The following DGKI variants were observed in gnomAD, a reference collection of about 807,000 sequenced individuals.
The protein encoded by DGKI is diacylglycerol kinase iota.
DGKI carries 55 observed loss-of-function variants against 147.5 expected under a neutral mutation model. That is an observed-to-expected ratio of 0.37 (90% CI 0.30 to 0.47). The LOEUF (loss-of-function observed/expected upper bound fraction) is 0.47, where lower values mean the gene tolerates loss of function less well. Among genes scored for constraint, DGKI ranks in the 20% least tolerant of loss-of-function variants. The pLI, the probability that DGKI is intolerant of heterozygous loss-of-function variation, is 1.00. For missense variants in DGKI, 1,007 were observed against 1,323.8 expected, an observed-to-expected ratio of 0.76 and a Z score of 3.71; for synonymous variants, 469 against 477.1, an observed-to-expected ratio of 0.98 and a Z score of 0.22.
chr7:137,649,694 C>T (rs1585327738), intron 5 of DGKI, among the ~76,000 whole-genome samples: 1 of 151,286 alleles, frequency 6.6e-6, no homozygotes, highest in African/African-American at 2.4e-5. Flanking sequence ...CACAAATCAC[C>T]ACTAAAGAAT....
At chr7:137,792,121 C>T (rs571660777) in intron 1 of DGKI, among the ~76,000 whole-genome samples, 181 of 152,226 alleles carry the variant, frequency 1.2e-3, no homozygotes, top group Non-Finnish European at 2.3e-3. Flanking sequence ...ACACAAATGT[C>T]GACTGAGCAC....
intron 1 of DGKI, among the ~76,000 whole-genome samples, chr7:137,811,883 A>G (rs573554022): frequency 5.5e-4 from 83 of 151,932 alleles, no homozygotes; most frequent in African/African-American, 2.0e-3. Context: ...ACTTATGTAC[A>G]TATATTTAGA....
chr7:137,544,395 G>C (rs767581639), intron 20 of DGKI, among the ~76,000 whole-genome samples: 9 of 152,132 alleles, frequency 5.9e-5, no homozygotes, highest in Non-Finnish European at 1.2e-4. Flanking sequence ...TTTGGCAATT[G>C]AATGTCATTT....
chr7:137,727,964 A>C (rs2116647668), intron 1 of DGKI, among the ~76,000 whole-genome samples: 1 of 152,320 alleles, frequency 6.6e-6, no homozygotes, highest in South Asian at 2.1e-4. Flanking sequence ...TCACAAGACT[A>C]CCTATAATTG....
At chr7:137,608,554 T>G (rs1305549953) in intron 10 of DGKI, among the ~76,000 whole-genome samples, 2 of 152,168 alleles carry the variant, frequency 1.3e-5, no homozygotes, top group African/African-American at 4.8e-5. Flanking sequence ...TTTTTTCTTC[T>G]CTGAGGATAG....
At position 137,684,769 on chromosome 7, in the gene DGKI, T is replaced by G. The variant is rs1823359768; in HGVS notation, c.510+5125A>C. On this transcript the variant is annotated intron_variant, in intron 2 of 32. Transcript: ENST00000614521. The stretch of plus-strand genomic sequence containing the variant: ...GTCTCATTTATCGATTAATCTGACT[T>G]CAGTTTTTCGAAATGGGGCTGGGAG... Among the ~76,000 whole-genome samples the G allele has an allele frequency of 2.6e-5, 4 of 152,134 alleles. No individual in the cohort carries two copies. The South Asian group carries it at 8.3e-4, about 32-fold the overall frequency.
chr7:137,490,087 T>TA (rs1243656999), intron 21 of DGKI, among the ~76,000 whole-genome samples: 1 of 152,166 alleles, frequency 6.6e-6, no homozygotes, highest in Admixed American at 6.5e-5. Flanking sequence ...GAGCAATACT[T>TA]AGCTGTTAAT....
intron 21 of DGKI, among the ~76,000 whole-genome samples, chr7:137,516,418 T>C (rs28690097): frequency 0.22 from 33,535 of 152,050 alleles, 6,475 homozygotes; most frequent in African/African-American, 0.52. Context: ...GGTCACACAC[T>C]TAATTAGTGG....
intron 28 of DGKI, among the ~76,000 whole-genome samples, chr7:137,421,758 C>G (rs1327665698): frequency 6.6e-6 from 1 of 152,176 alleles, no homozygotes; most frequent in Non-Finnish European, 1.5e-5. Flanking sequence ...TTGTTTTATC[C>G]ACACTATATC....
At chr7:137,490,392 CA>C (rs1252376809) in intron 21 of DGKI, among the ~76,000 whole-genome samples, 1 of 152,112 alleles carries the variant, frequency 6.6e-6, no homozygotes, top group Non-Finnish European at 1.5e-5. Flanking sequence ...ATTATCAAAA[CA>C]TCAATTTTTA....
At chr7:137,802,378 C>T (rs1563204328) in intron 1 of DGKI, among the ~76,000 whole-genome samples, 1 of 152,150 alleles carries the variant, frequency 6.6e-6, no homozygotes, top group Non-Finnish European at 1.5e-5. Flanking sequence ...TCCCCAAAAA[C>T]TATTAAAATG....
At chr7:137,614,456 A>C (rs918894506) in intron 8 of DGKI, among the ~76,000 whole-genome samples, 6 of 152,160 alleles carry the variant, frequency 3.9e-5, no homozygotes, top group Non-Finnish European at 8.8e-5. Context: ...TGTCCAATCA[A>C]AATATTGTCT....
intron 1 of DGKI, among the ~76,000 whole-genome samples, chr7:137,692,381 T>C (rs1302668994): frequency 6.6e-6 from 1 of 152,212 alleles, no homozygotes; most frequent in Admixed American, 6.5e-5. Context: ...TGCAAACTCT[T>C]AGAATGGCTG....
chr7:137,690,360 A>G (rs769371934), intron 1 of DGKI, among the ~76,000 whole-genome samples: 27 of 152,226 alleles, frequency 1.8e-4, no homozygotes, highest in Admixed American at 4.6e-4. Flanking sequence ...CAACTTTAAG[A>G]TTGCCAGCGA....
chr7:137,553,500 TAA>T (rs1445533757), intron 19 of DGKI, among the ~76,000 whole-genome samples: 1 of 152,132 alleles, frequency 6.6e-6, no homozygotes, highest in Non-Finnish European at 1.5e-5. Flanking sequence ...AAGACAATAT[TAA>T]AAGTCTGTCA....
Position 137,463,542 on chromosome 7 carries a change from A to T in DGKI, c.2682T>A (p.Ala894=). ...TCAGATCTGAGTCCTCATAATAGGG[A>T]GCTATCATCCCCAGCCCACTGTCAC... ...MLSDSGLGMI[A]PYYEDSDLKD... is the part of the protein sequence containing the mutation. Residue 894 remains alanine (A), a synonymous_variant, in exon 27 of 33, where the codon GCT becomes GCA. Coordinates refer to ENST00000614521, the MANE Select transcript of DGKI (RefSeq NM_001321708.2). 1 of 1,614,172 alleles carries T rather than the reference A, an allele frequency of 6.2e-7. No homozygotes were observed. The highest frequency in any genetic ancestry group is 8.5e-7 in the Non-Finnish European group (1 of 1,180,026).
chr7:137,493,432 G>A (rs1815846156), intron 21 of DGKI, among the ~76,000 whole-genome samples: 1 of 152,192 alleles, frequency 6.6e-6, no homozygotes, highest in African/African-American at 2.4e-5. Flanking sequence ...ACCACCCAGT[G>A]AAGCTCTTTG....
chr7:137,406,967 A>G (rs1811976147), intron 30 of DGKI, among the ~76,000 whole-genome samples: 2 of 149,180 alleles, frequency 1.3e-5, no homozygotes, highest in Non-Finnish European at 3.0e-5. Flanking sequence ...AAGGATGTGA[A>G]TGTTTATGAG....
chr7:137,831,756 T>A (rs1241783199), intron 1 of DGKI, among the ~76,000 whole-genome samples: 1 of 152,192 alleles, frequency 6.6e-6, no homozygotes, highest in Admixed American at 6.5e-5. Flanking sequence ...CTGAACTCAT[T>A]TCAGCATTAA....
Sources: gnomAD v4.1 joint callset for allele counts (sites outside exome capture counted in the v4.1 genomes callset) on GRCh38, gnomAD v4.1.1 for gene constraint, MANE v1.5 for transcripts, NCBI Gene and HGNC (gene_info 2026-07-23, HGNC 2026-07-21) for gene names.